Variants in EDRF1 observed in about 807,000 individuals in gnomAD.
The protein encoded by EDRF1 is erythroid differentiation-related factor 1.
In EDRF1, 69 loss-of-function variants were observed where a neutral mutation model predicts 148.7. That is an observed-to-expected ratio of 0.46 (90% CI 0.38 to 0.57). The LOEUF is 0.57. EDRF1 is among the 20% of genes least tolerant of loss of function. EDRF1 has a pLI of 0.00. For missense variants in EDRF1, 1,118 were observed against 1,478.7 expected (o/e 0.76, Z 4.00); for synonymous variants, 515 against 532.8 (o/e 0.97, Z 0.46).
rs183349582 is a variant in EDRF1 at position 125,738,012 on chromosome 10, C to G, written c.1830+23C>G. On this transcript the variant is annotated intron_variant, in intron 14 of 24. Transcript: ENST00000356792. ...GAGGTAAGTTTAAGTTTAGTCTTCACTTTTTTCGTAAAGTTTGTACTTGAT... is the reference window on the plus strand; with the variant it reads ...GAGGTAAGTTTAAGTTTAGTCTTCAGTTTTTTCGTAAAGTTTGTACTTGAT... 546 of 1,606,522 alleles carry G rather than the reference C, an allele frequency of 3.4e-4. 2 individuals carry two copies. In the African/African-American group the frequency reaches 6.2e-3, roughly 18 times the overall value.
intron 21 of EDRF1, 63 bp from the exon 22 acceptor site, chr10:125,749,349 C>T: frequency 5.7e-6 from 9 of 1,582,160 alleles, no homozygotes; most frequent in Non-Finnish European, 7.8e-6. Context: ...AACTAAGAAG[C>T]ACTTAGTGAA....
At chr10:125,739,289 G>A (rs890862573) in intron 15 of EDRF1, among the ~76,000 whole-genome samples, 3 of 151,890 alleles carry the variant, frequency 2.0e-5, no homozygotes, top group African/African-American at 7.3e-5. Context: ...GCCAGGCTTC[G>A]GCCTACAGGC....
chr10:125,723,769 A>G (rs1814150713), intron 3 of EDRF1, 42 bp from the exon 4 acceptor site: 2 of 1,579,352 alleles, frequency 1.3e-6, no homozygotes, highest in African/African-American at 2.7e-5. Context: ...AAATCACACT[A>G]AAACAGTCTT....
At chr10:125,728,859 G>C (rs1041045878) in intron 6 of EDRF1, 144 bp from the exon 7 acceptor site, 2 of 628,594 alleles carry the variant, frequency 3.2e-6, no homozygotes, top group African/African-American at 3.7e-5. Context: ...CCAATGAGGC[G>C]TGTTATTATT....
chr10:125,740,484 A>G lies in EDRF1; in HGVS notation c.2003A>G (p.Asn668Ser), dbSNP rs996680524. Reference protein sequence around the residue: ...LDKMGSLQKGNYSSQSGMIPG... With the variant: ...LDKMGSLQKGSYSSQSGMIPG... ...ACAGTGGGCTCCCTTCAGAAGGGCA[A>G]TTATTCCAGTCAATCTGGAATGATC... is the stretch of plus-strand genomic sequence containing the variant. The change falls in exon 16 of 25, where the codon AAT (asparagine) becomes AGT (serine). Residue 668 changes from asparagine to serine, a missense_variant. Around this residue, in one of 3 missense-constraint regions of EDRF1, gnomAD observed 954 missense variants for 1,241.4 expected, o/e 0.77. Coordinates refer to ENST00000356792, the MANE Select transcript of EDRF1 (RefSeq NM_001202438.2). 1.9e-6 allele frequency: 3 copies of G among 1,614,150 alleles called. No individual in the cohort carries two copies. The highest frequency in any genetic ancestry group is 1.7e-5 in the Admixed American group (1 of 60,026).
At chr10:125,742,099 G>A in intron 17 of EDRF1, 4 of 619,458 alleles carry the variant, frequency 6.5e-6, no homozygotes, top group Non-Finnish European at 1.0e-5. Context: ...AACAGTTGGT[G>A]AAGGAGGTTA....
chr10:125,719,746 G>T lies in EDRF1; in HGVS notation c.-62G>T, dbSNP rs549470269. The T allele has an allele frequency of 1.2e-5, 17 of 1,387,066 alleles. No homozygotes were observed. The South Asian group carries it at 1.4e-4, about 11-fold the overall frequency. The allele number at this position is 1,387,066 out of a possible 1,614,324, so 85.9% of individuals were successfully genotyped here. A position where few individuals can be genotyped will look rare whatever the true frequency, so the allele number is the denominator to read the frequency against. The stretch of plus-strand genomic sequence containing the variant: ...GTCTCTGGCGCTTACCCTGCTTTGG[G>T]CCTGCGTTGCTGCTGCTGCTCCTCC... On this transcript the variant is annotated 5_prime_UTR_variant, in exon 1 of 25. Coordinates refer to ENST00000356792, the MANE Select transcript of EDRF1 (RefSeq NM_001202438.2).
rs770264809 is a variant in EDRF1, at chr10:125,725,666, T to C, written c.636-16T>C. On this transcript the variant is annotated splice_polypyrimidine_tract_variant and intron_variant, in intron 5 of 24. Transcript: ENST00000356792. ...CTTTAGTAACAGCAATCCTTTTTTA[T>C]TTCTGGTTTGGCCAGTATCAATGGT... 5.6e-6 allele frequency: 9 copies of C among 1,614,074 alleles called. No homozygotes were observed. The South Asian group carries it at 9.9e-5, about 18-fold the overall frequency.
intron 24 of EDRF1, among the ~76,000 whole-genome samples, 185 bp downstream of exon 24, chr10:125,754,030 A>G (rs1849769970): frequency 1.3e-5 from 2 of 152,158 alleles, no homozygotes; most frequent in South Asian, 4.1e-4. Context: ...AGCCCGGCCA[A>G]CATGGTGAAA....
At chr10:125,728,449 ACT>A (rs1848360284) in intron 6 of EDRF1, among the ~76,000 whole-genome samples, 1 of 152,112 alleles carries the variant, frequency 6.6e-6, no homozygotes, top group African/African-American at 2.4e-5. Flanking sequence ...TCTGTGAAAC[ACT>A]CATCAGGAAA....
intron 2 of EDRF1, among the ~76,000 whole-genome samples, chr10:125,721,696 A>G (rs1848014548): frequency 6.6e-6 from 1 of 152,234 alleles, no homozygotes; most frequent in African/African-American, 2.4e-5. Context: ...CATTTTAGCC[A>G]ATTTGCATAC....
chr10:125,719,813 G>A lies in EDRF1; in HGVS notation c.6G>A (p.Gly2=). 1 of 1,610,634 alleles carries A rather than the reference G, an allele frequency of 6.2e-7. No individual in the cohort carries two copies. The highest frequency in any genetic ancestry group is 8.5e-7 in the Non-Finnish European group (1 of 1,178,752). ...GCCTGCCCTGGATCGAAGTGATGGG[G>A]GATGCCAAGGAGGCCGGAGCCGAGG... M[G]DAKEAGAEGP... Residue 2 remains glycine, a synonymous_variant, in exon 1 of 25, where the codon GGG becomes GGA. Transcript: ENST00000356792.
At chr10:125,725,617 G>A (rs983083483) in intron 5 of EDRF1, 65 bp from the exon 6 acceptor site, 24 of 1,599,812 alleles carry the variant, frequency 1.5e-5, no homozygotes, top group Admixed American at 3.4e-5. Flanking sequence ...TTTTATAAAC[G>A]GGTAGACTGT....
chr10:125,736,078 TG>T (rs1161550943), intron 13 of EDRF1, among the ~76,000 whole-genome samples, 174 bp downstream of exon 13: 2 of 152,228 alleles, frequency 1.3e-5, no homozygotes, highest in Admixed American at 1.3e-4. Context: ...CGAGGGTAAC[TG>T]ACCCACATTA....
intron 24 of EDRF1, chr10:125,757,135 C>G (rs749359099): frequency 2.6e-5 from 9 of 344,014 alleles, no homozygotes; most frequent in South Asian, 2.0e-4. Flanking sequence ...TTTTTAAATC[C>G]AGTCTTACAA....
At position 125,763,351 on chromosome 10, in the gene EDRF1, C is replaced by G; in HGVS notation, c.3596C>G (p.Ser1199Cys). ...CTCAAAACCAACAAGCACATTTACT[C>G]CCAGCTTTTGAGAGCAACTGCAAAT... ...TILKTNKHIY[S>C]QLLRATANKT... Residue 1199 changes from serine to cysteine, a missense_variant, in exon 25 of 25, where the codon TCC becomes TGC. Coordinates refer to ENST00000356792, the MANE Select transcript of EDRF1 (RefSeq NM_001202438.2). This position sits in a 1 kb window ranked among gnomAD's most constrained non-coding sequence, Gnocchi z 4.3. 6.2e-7 allele frequency: 1 copy of G among 1,613,638 alleles called. No individual in the cohort carries two copies. The highest frequency in any genetic ancestry group is 8.5e-7 in the Non-Finnish European group (1 of 1,180,016).
At chr10:125,724,251 C>T (rs763065470) in intron 4 of EDRF1, among the ~76,000 whole-genome samples, 9 of 152,126 alleles carry the variant, frequency 5.9e-5, no homozygotes, top group Non-Finnish European at 1.2e-4. Flanking sequence ...AATCCTTTAA[C>T]GTCTCCCTTA....
chr10:125,744,219 C>CT (rs779660582), intron 18 of EDRF1, among the ~76,000 whole-genome samples: 58 of 135,322 alleles, frequency 4.3e-4, no homozygotes, highest in Middle Eastern at 3.9e-3. Flanking sequence ...TTGGTTGTTT[C>CT]TTTTTTTTTT....
chr10:125,747,405 ATAT>A (rs1030716070), intron 19 of EDRF1, 128 bp from the exon 20 acceptor site: 3 of 1,049,378 alleles, frequency 2.9e-6, no homozygotes, highest in Middle Eastern at 2.1e-4. Flanking sequence ...TTTCCTCATA[ATAT>A]TGTCTCTTTA....
Sources: gnomAD v4.1 joint callset for allele counts (sites outside exome capture counted in the v4.1 genomes callset) on GRCh38, gnomAD v4.1.1 for gene constraint, gnomAD v4.1.1 regional missense constraint, Gnocchi (gnomAD v3.1) non-coding constraint, MANE v1.5 for transcripts, NCBI Gene and HGNC (gene_info 2026-07-23, HGNC 2026-07-21) for gene names.